The following GRIP1 variants were observed in gnomAD, a reference collection of about 807,000 sequenced individuals.
GRIP1 encodes the protein glutamate receptor-interacting protein 1.
In GRIP1, 45 loss-of-function variants were observed where a neutral mutation model predicts 129.9. The observed-to-expected ratio is 0.35, with a 90% CI of 0.27 to 0.44. The LOEUF is 0.44. GRIP1 is among the 20% of genes least tolerant of loss of function. The pLI, the probability that GRIP1 is intolerant of heterozygous loss-of-function variation, is 1.00. For synonymous variants in GRIP1, 530 were observed against 520.8 expected (o/e 1.02, Z -0.24); for missense variants, 1,196 against 1,396.8 (o/e 0.86, Z 2.29).
chr12:66,724,803 G>A (rs892093044), intron 1 of GRIP1, among the ~76,000 whole-genome samples: 8 of 152,194 alleles, frequency 5.3e-5, no homozygotes, highest in African/African-American at 1.7e-4. Flanking sequence ...GTCTGCAGAA[G>A]TGGAAGGGAC....
At chr12:66,421,613 T>C (rs539997058) in intron 14 of GRIP1, among the ~76,000 whole-genome samples, 1 of 151,912 alleles carries the variant, frequency 6.6e-6, no homozygotes, top group South Asian at 2.1e-4. Flanking sequence ...GGACTCTAAA[T>C]CTTTAAATTC....
At chr12:66,437,620 A>G (rs2058349758) in intron 13 of GRIP1, among the ~76,000 whole-genome samples, 1 of 152,190 alleles carries the variant, frequency 6.6e-6, no homozygotes, top group African/African-American at 2.4e-5. Flanking sequence ...CAAATTTAAG[A>G]TATTAGAGTA....
chr12:66,717,639 A>G (rs2035933613), intron 1 of GRIP1, among the ~76,000 whole-genome samples: 1 of 151,960 alleles, frequency 6.6e-6, no homozygotes, highest in Admixed American at 6.6e-5. Context: ...TGTAATCTTC[A>G]GCATATCATT....
chr12:66,560,034 T>C (rs1657721411), intron 2 of GRIP1, among the ~76,000 whole-genome samples: 1 of 152,048 alleles, frequency 6.6e-6, no homozygotes, highest in Admixed American at 6.6e-5. Context: ...AGAGAACTCA[T>C]TTTCAACAAA....
At chr12:66,633,393 C>G (rs1485799172) in intron 1 of GRIP1, among the ~76,000 whole-genome samples, 1 of 148,524 alleles carries the variant, frequency 6.7e-6, no homozygotes, top group Non-Finnish European at 1.5e-5. Context: ...TCCAGCAATC[C>G]TCCCACCTCG....
chr12:67,018,406 C>A (rs1252290), intron 1 of GRIP1, among the ~76,000 whole-genome samples: 75,218 of 151,980 alleles, frequency 0.49, 19,087 homozygotes, highest in East Asian at 0.86. Context: ...ATCTGTTAGC[C>A]ATTTTATCTG....
intron 1 of GRIP1, among the ~76,000 whole-genome samples, chr12:66,974,633 C>T (rs999476645): frequency 1.2e-4 from 19 of 152,118 alleles, no homozygotes; most frequent in Admixed American, 2.6e-4. Context: ...AAAAATAAAA[C>T]GCTCATTATA....
intron 1 of GRIP1, among the ~76,000 whole-genome samples, chr12:66,916,229 C>T (rs1455323930): frequency 6.6e-6 from 1 of 152,176 alleles, no homozygotes; most frequent in Non-Finnish European, 1.5e-5. Flanking sequence ...GTCCCACATG[C>T]TATTTTAGGT....
At chr12:66,563,254 A>C (rs968390811) in intron 2 of GRIP1, among the ~76,000 whole-genome samples, 4 of 152,230 alleles carry the variant, frequency 2.6e-5, no homozygotes, top group Admixed American at 6.5e-5. Context: ...ATCCAACATC[A>C]TAAGAACTAG....
Position 66,635,178 on chromosome 12 carries a change from G to A in GRIP1, c.56-38251C>T, listed in dbSNP as rs1427508522. On this transcript the variant is annotated intron_variant, in intron 1 of 24. Transcript: ENST00000359742. ...TCATGCCTGTAATTCCAGCACTTTG[G>A]GAGGCTGAGGTAGGAAGATGGTTGA... 2.0e-5 allele frequency among the ~76,000 whole-genome samples: 3 copies of A among 152,060 alleles called. No homozygotes were observed. In the East Asian group the frequency reaches 5.8e-4, roughly 29 times the overall value.
chr12:67,037,624 C>T (rs2043118128), intron 1 of GRIP1: 2 of 151,988 alleles, frequency 1.3e-5, no homozygotes, highest in Admixed American at 1.3e-4. Flanking sequence ...AGCTGTATTT[C>T]AAGCAAAAAC....
chr12:66,825,118 C>T (rs1451693988), intron 1 of GRIP1, among the ~76,000 whole-genome samples: 1 of 152,104 alleles, frequency 6.6e-6, no homozygotes, highest in African/African-American at 2.4e-5. Context: ...TTAAACTGAA[C>T]CTTTCTGCAA....
intron 1 of GRIP1, among the ~76,000 whole-genome samples, chr12:67,049,149 G>A (rs34957150): frequency 0.32 from 49,357 of 152,002 alleles, 9,731 homozygotes; most frequent in Admixed American, 0.45. Context: ...TAGAACATAC[G>A]TGGGATCATA....
chr12:66,419,484 T>C (rs1376038866), intron 15 of GRIP1, among the ~76,000 whole-genome samples: 1 of 152,198 alleles, frequency 6.6e-6, no homozygotes, highest in African/African-American at 2.4e-5. Flanking sequence ...GGATAAAAGC[T>C]TGAGGGGATG....
chr12:66,364,288 AAAGAAAG>A (rs1210066637), intron 23 of GRIP1, among the ~76,000 whole-genome samples: 30 of 98,394 alleles, frequency 3.0e-4, no homozygotes, highest in African/African-American at 8.9e-4. Flanking sequence ...AAAAAAAAAA[AAAGAAAG>A]AAAGAAAGAA....
chr12:66,933,160 G>A (rs1233813919), intron 1 of GRIP1, among the ~76,000 whole-genome samples: 3 of 152,162 alleles, frequency 2.0e-5, no homozygotes, highest in Non-Finnish European at 4.4e-5. Context: ...CTGATGTAAT[G>A]TAACTTCTTT....
intron 1 of GRIP1, among the ~76,000 whole-genome samples, chr12:66,827,215 A>G (rs527623549): frequency 1.3e-5 from 2 of 152,198 alleles, no homozygotes; most frequent in South Asian, 4.2e-4. Flanking sequence ...TCGAGGGGCC[A>G]CCTGGGCTGA....
chr12:66,930,294 C>A (rs1209287102), intron 1 of GRIP1, among the ~76,000 whole-genome samples: 1 of 128,354 alleles, frequency 7.8e-6, no homozygotes, highest in Non-Finnish European at 1.6e-5. Context: ...GTGTGATGTT[C>A]CCCTTCCTGT....
At chr12:66,789,643 CTATT>C (rs10535108) in intron 1 of GRIP1, among the ~76,000 whole-genome samples, 71,558 of 151,728 alleles carry the variant, frequency 0.47, 18,678 homozygotes, top group East Asian at 0.79. Context: ...TTTCCATTAA[CTATT>C]TAAACATGTC....
Sources: gnomAD v4.1 joint callset for allele counts (sites outside exome capture counted in the v4.1 genomes callset) on GRCh38, gnomAD v4.1.1 for gene constraint, MANE v1.5 for transcripts, NCBI Gene and HGNC (gene_info 2026-07-23, HGNC 2026-07-21) for gene names.